Variants in DPYSL2 observed in about 807,000 individuals in gnomAD.
DPYSL2 encodes the protein dihydropyrimidinase like 2.
A neutral mutation model predicts 69.9 loss-of-function variants in DPYSL2; 13 were observed. The observed-to-expected ratio is 0.19, with a 90% confidence interval of 0.12 to 0.30. The LOEUF is 0.30. Ranked by LOEUF, DPYSL2 falls within the 10% of genes least tolerant of loss-of-function variation. The pLI is 1.00. For synonymous variants in DPYSL2, 326 were observed against 359.1 expected (o/e 0.91, Z 1.04); for missense variants, 587 against 918.9 (o/e 0.64, Z 4.67).
At position 26,644,028 on chromosome 8, in the gene DPYSL2, C is replaced by T; in HGVS notation, c.1362C>T (p.Thr454=). ...AQKAVGKDNF[T]LIPEGTNGTE... ...AGGCTGTAGGAAAGGACAACTTCAC[C>T]CTGATTCCGGAGGGCACCAATGGCA... The change falls in exon 10 of 14, where the codon ACC becomes ACT. Residue 454 remains threonine, a synonymous_variant. Coordinates refer to ENST00000521913, the MANE Select transcript of DPYSL2 (RefSeq NM_001197293.3). The surrounding 1 kb of genome is among the most constrained non-coding windows in gnomAD (Gnocchi z 4.5). The T allele has an allele frequency of 1.1e-5, 18 of 1,614,218 alleles. No homozygotes were observed. The highest frequency in any genetic ancestry group is 1.5e-5 in the Non-Finnish European group (18 of 1,180,038).
rs943915660 is a variant in DPYSL2, at chr8:26,609,515, A to T, written c.629-14628A>T. ...GTGGCGTGACTGTTATTTTTTTGTG[A>T]TGTTCTGTACAGCCCTGTAATCTCT... On this transcript the variant is annotated intron_variant, in intron 3 of 13. Transcript: ENST00000521913. The surrounding 1 kb of genome is among the most constrained non-coding windows in gnomAD (Gnocchi z 6.5). Among the ~76,000 whole-genome samples, 1 of 152,094 alleles carries T rather than the reference A, an allele frequency of 6.6e-6. No homozygotes were observed. The highest frequency in any genetic ancestry group is 1.5e-5 in the Non-Finnish European group (1 of 68,008).
intron 3 of DPYSL2, among the ~76,000 whole-genome samples, chr8:26,603,759 C>G (rs1458293344): frequency 6.6e-6 from 1 of 152,152 alleles, no homozygotes; most frequent in African/African-American, 2.4e-5. Flanking sequence ...AATATATATG[C>G]TTATGACATT....
intron 1 of DPYSL2, among the ~76,000 whole-genome samples, chr8:26,574,239 G>C (rs1007804392): frequency 6.6e-6 from 1 of 152,038 alleles, no homozygotes; most frequent in African/African-American, 2.4e-5. Flanking sequence ...GCAAGATGTA[G>C]ATTAGGGAGG....
chr8:26,577,941 T>C lies in DPYSL2; in HGVS notation c.355-4028T>C, dbSNP rs376616366. On this transcript the variant is annotated intron_variant, in intron 1 of 13. Coordinates refer to ENST00000521913, the MANE Select transcript of DPYSL2 (RefSeq NM_001197293.3). Reference sequence around the variant, plus strand: ...CACGGTGGCCGACTTGAACCGAGGCTTTTATTGCTGTAGTTTATTTCCACC... The same window carrying C: ...CACGGTGGCCGACTTGAACCGAGGCCTTTATTGCTGTAGTTTATTTCCACC... 2.2e-5 allele frequency: 27 copies of C among 1,214,718 alleles called. 1 individual carries two copies. In the East Asian group the frequency reaches 3.0e-4, roughly 14 times the overall value. 75.2% of individuals were successfully genotyped at this position (1,214,718 alleles called of 1,614,324 possible). A position where few individuals can be genotyped will look rare whatever the true frequency, so the allele number is the denominator to read the frequency against.
In DPYSL2 at chr8:26,585,147, T is replaced by C. The variant is rs1779441096; in HGVS notation, c.628+1164T>C. Among the ~76,000 whole-genome samples, 1 of 151,956 alleles carries C rather than the reference T, an allele frequency of 6.6e-6. No individual in the cohort carries two copies. Among genetic ancestry groups the C allele is most frequent in the African/African-American group, 2.4e-5 (1 of 41,340 alleles). ...TCCAAGAGTGACAGTCAACGTGGAG[T>C]CTGTCATATATGAAAAGATAGCAGT... On this transcript the variant is annotated intron_variant, in intron 3 of 13. Coordinates refer to ENST00000521913, the MANE Select transcript of DPYSL2 (RefSeq NM_001197293.3). The surrounding 1 kb of genome is among the most constrained non-coding windows in gnomAD (Gnocchi z 4.0).
Position 26,514,217 on chromosome 8 carries a change from G to A in DPYSL2, c.-109G>A, listed in dbSNP as rs1265590113. The A allele has an allele frequency of 1.9e-6, 2 of 1,033,554 alleles. No homozygotes were observed. The highest frequency in any genetic ancestry group is 2.6e-6 in the Non-Finnish European group (2 of 770,528). 64.0% of individuals were successfully genotyped at this position (1,033,554 alleles called of 1,614,324 possible). On this transcript the variant is annotated 5_prime_UTR_variant, in exon 1 of 14. Coordinates refer to ENST00000521913, the MANE Select transcript of DPYSL2 (RefSeq NM_001197293.3). This position sits in a 1 kb window ranked among gnomAD's most constrained non-coding sequence, Gnocchi z 8.4. ...TTCTGTGCACCTTGCGGTGGGCGGC[G>A]AACGGCAGCCGCGGCAGCAGCTAGG...
chr8:26,630,685 G>A (rs952047437), intron 7 of DPYSL2, among the ~76,000 whole-genome samples: 11 of 152,164 alleles, frequency 7.2e-5, no homozygotes, highest in South Asian at 2.1e-4. Flanking sequence ...ATGAGTGGTG[G>A]TACCAGAGCT....
rs1249354928 is a variant in DPYSL2, at chr8:26,605,965, G to T, written c.629-18178G>T. Reference sequence around the variant, plus strand: ...AAATGATTCTTAAGTACAGGTGAAAGATTAAACAGGTGATAAGAACCAAAA... The same window carrying T: ...AAATGATTCTTAAGTACAGGTGAAATATTAAACAGGTGATAAGAACCAAAA... On this transcript the variant is annotated intron_variant, in intron 3 of 13. Transcript: ENST00000521913. The surrounding 1 kb of genome is among the most constrained non-coding windows in gnomAD (Gnocchi z 4.1). Among the ~76,000 whole-genome samples the T allele has an allele frequency of 6.6e-6, 1 of 152,092 alleles. No homozygotes were observed. Among genetic ancestry groups the T allele is most frequent in the Non-Finnish European group, 1.5e-5 (1 of 67,994 alleles).
intron 1 of DPYSL2, among the ~76,000 whole-genome samples, chr8:26,515,280 G>C (rs2117592450): frequency 6.6e-6 from 1 of 152,342 alleles, no homozygotes; most frequent in East Asian, 1.9e-4. Flanking sequence ...AGAAGAGCCA[G>C]GAAGGCTGTG....
Position 26,626,290 on chromosome 8 carries a change from C to T in DPYSL2, c.794-327C>T, listed in dbSNP as rs1802609643. Among the ~76,000 whole-genome samples, 1 of 152,152 alleles carries T rather than the reference C, an allele frequency of 6.6e-6. No individual in the cohort carries two copies. Among genetic ancestry groups the T allele is most frequent in the Non-Finnish European group, 1.5e-5 (1 of 68,038 alleles). On this transcript the variant is annotated intron_variant, in intron 4 of 13. Coordinates refer to ENST00000521913, the MANE Select transcript of DPYSL2 (RefSeq NM_001197293.3). This position sits in a 1 kb window ranked among gnomAD's most constrained non-coding sequence, Gnocchi z 4.3. ...CTTTTGGCTATTGTGAATAATTCTG[C>T]TATGAACATGGATGTGCAAACACTG... is the stretch of plus-strand genomic sequence containing the variant.
chr8:26,556,260 A>AGTATAT lies in DPYSL2; in HGVS notation c.355-25709_355-25708insGTATAT, dbSNP rs1563385241. 1.7e-3 allele frequency among the ~76,000 whole-genome samples: 11 copies of AGTATAT among 6,460 alleles called. 1 individual carries two copies. Among genetic ancestry groups the AGTATAT allele is most frequent in the South Asian group, 4.0e-3 (1 of 250 alleles). The allele number at this position is 6,460 out of a possible 152,430, so 4.2% of individuals were successfully genotyped here. ...TATATAATATATATAGTATATATAT[A>AGTATAT]CTATAGTATATATAGTATTTATATA... On this transcript the variant is annotated intron_variant, in intron 1 of 13. Coordinates refer to ENST00000521913, the MANE Select transcript of DPYSL2 (RefSeq NM_001197293.3).
intron 1 of DPYSL2, among the ~76,000 whole-genome samples, chr8:26,539,887 C>T (rs575380845): frequency 6.6e-5 from 10 of 152,282 alleles, no homozygotes; most frequent in African/African-American, 2.4e-4. Context: ...AGTCTTAAGT[C>T]TGGAAGAAGT....
Position 26,652,509 on chromosome 8 carries a change from C to A in DPYSL2, c.1776+73C>A. 7.0e-7 allele frequency: 1 copy of A among 1,432,136 alleles called. No homozygotes were observed. Among genetic ancestry groups the A allele is most frequent in the Non-Finnish European group, 9.5e-7 (1 of 1,052,186 alleles). 88.7% of individuals were successfully genotyped at this position (1,432,136 alleles called of 1,614,324 possible). On this transcript the variant is annotated intron_variant, in intron 12 of 13. Transcript: ENST00000521913. This position sits in a 1 kb window ranked among gnomAD's most constrained non-coding sequence, Gnocchi z 6.3. ...TTCAAGGCCACAAACATTTATTAAG[C>A]ACCTTGAGACAGAATATTAAGATGA...
chr8:26,571,216 G>A lies in DPYSL2; in HGVS notation c.355-10753G>A, dbSNP rs1714025576. On this transcript the variant is annotated intron_variant, in intron 1 of 13. Transcript: ENST00000521913. This position sits in a 1 kb window ranked among gnomAD's most constrained non-coding sequence, Gnocchi z 6.1. ...GAGTGGGCTGGATCTGTCGCTAAGT[G>A]TCCAGAAGTAGACTAGTTTAAAAAC... Among the ~76,000 whole-genome samples, 1 of 152,168 alleles carries A rather than the reference G, an allele frequency of 6.6e-6. No individual in the cohort carries two copies. The highest frequency in any genetic ancestry group is 2.1e-4 in the South Asian group (1 of 4,832).
chr8:26,566,720 A>G (rs9772104), intron 1 of DPYSL2, among the ~76,000 whole-genome samples: 15,566 of 152,226 alleles, frequency 0.1, 883 homozygotes, highest in Non-Finnish European at 0.12. Context: ...TGTAAATTTC[A>G]TGCTTTGGAA....
intron 1 of DPYSL2, among the ~76,000 whole-genome samples, chr8:26,573,865 T>G (rs1412943703): frequency 1.4e-5 from 2 of 142,400 alleles, no homozygotes. Flanking sequence ...AAAGTGATAG[T>G]CCTAAGGGAA....
intron 1 of DPYSL2, among the ~76,000 whole-genome samples, chr8:26,570,741 G>GAAAAA (rs572040580): frequency 9.2e-6 from 1 of 108,296 alleles, no homozygotes; most frequent in Non-Finnish European, 1.8e-5. Flanking sequence ...CTTAGAAAAG[G>GAAAAA]AAAAAAAAAA....
At position 26,584,013 on chromosome 8, in the gene DPYSL2, G is replaced by A. The variant is rs188964405; in HGVS notation, c.628+30G>A. The stretch of plus-strand genomic sequence containing the variant: ...GAAGCTTAAAAATCATCATTGTAGT[G>A]CTTAGGAAGTGTGAGAGTTTGCAAA... On this transcript the variant is annotated intron_variant, in intron 3 of 13. Transcript: ENST00000521913. 163 of 1,589,370 alleles carry A rather than the reference G, an allele frequency of 1.0e-4. No individual in the cohort carries two copies. In the Middle Eastern group the frequency reaches 4.4e-3, roughly 43 times the overall value.
At chr8:26,579,924 CTTTT>C (rs67626321) in intron 1 of DPYSL2, among the ~76,000 whole-genome samples, 7,406 of 115,526 alleles carry the variant, frequency 0.064, 271 homozygotes, top group South Asian at 0.11. Flanking sequence ...ATCAACAAGA[CTTTT>C]TTTTTTTTTT....
Sources: gnomAD v4.1 joint callset for allele counts (sites outside exome capture counted in the v4.1 genomes callset) on GRCh38, gnomAD v4.1.1 for gene constraint, Gnocchi (gnomAD v3.1) non-coding constraint, MANE v1.5 for transcripts, NCBI Gene and HGNC (gene_info 2026-07-23, HGNC 2026-07-21) for gene names.